The following PTPRG variants were observed in gnomAD, a reference collection of about 807,000 sequenced individuals.
The protein encoded by PTPRG is protein tyrosine phosphatase receptor type G, also known as receptor-type tyrosine-protein phosphatase gamma.
PTPRG carries 102 observed loss-of-function variants against 165.3 expected under a neutral mutation model. That is an observed-to-expected ratio of 0.62 (90% CI 0.53 to 0.73). The LOEUF is 0.73. PTPRG is among the 30% of genes least tolerant of loss of function. The pLI, the probability that PTPRG is intolerant of heterozygous loss-of-function variation, is 0.00. For synonymous variants in PTPRG, 675 were observed against 669.5 expected (o/e 1.01, Z -0.13); for missense variants, 1,866 against 1,861.4 (o/e 1.00, Z -0.05).
intron 12 of PTPRG, among the ~76,000 whole-genome samples, chr3:62,206,214 C>A (rs1016193091): frequency 6.6e-6 from 1 of 152,144 alleles, no homozygotes; most frequent in African/African-American, 2.4e-5. Context: ...CCATTGGAGT[C>A]AGGTTCCAGA....
At chr3:61,749,682 A>G (rs553980735) in intron 2 of PTPRG, 4 of 153,948 alleles carry the variant, frequency 2.6e-5, no homozygotes, top group African/African-American at 9.6e-5. Flanking sequence ...TGTTATTTCT[A>G]GAAGAGATTT....
chr3:61,827,188 C>T lies in PTPRG; in HGVS notation c.190+78206C>T, dbSNP rs530415534. 6.6e-5 allele frequency among the ~76,000 whole-genome samples: 10 copies of T among 152,312 alleles called. No homozygotes were observed. In the East Asian group the frequency reaches 1.7e-3, roughly 26 times the overall value. On this transcript the variant is annotated intron_variant, in intron 2 of 29. Coordinates refer to ENST00000474889, the MANE Select transcript of PTPRG (RefSeq NM_002841.4). Reference sequence around the variant, plus strand: ...GTACCCCAGTAAGGGAGATGTTGGGCCTAGTCCCCTAAGTGGTGCATTTGC... The same window carrying T: ...GTACCCCAGTAAGGGAGATGTTGGGTCTAGTCCCCTAAGTGGTGCATTTGC...
At chr3:62,138,265 CAA>C (rs1703791108) in intron 6 of PTPRG, among the ~76,000 whole-genome samples, 2 of 152,168 alleles carry the variant, frequency 1.3e-5, no homozygotes, top group Admixed American at 1.3e-4. Context: ...AGCAAAAACA[CAA>C]AGTGAGAAAT....
At chr3:61,600,433 A>C (rs1700831786) in intron 1 of PTPRG, among the ~76,000 whole-genome samples, 1 of 152,104 alleles carries the variant, frequency 6.6e-6, no homozygotes, top group African/African-American at 2.4e-5. Context: ...TTTTTGAGTG[A>C]TTCACGGGAT....
intron 2 of PTPRG, among the ~76,000 whole-genome samples, chr3:61,777,093 G>T (rs556049568): frequency 3.9e-5 from 6 of 152,236 alleles, no homozygotes; most frequent in African/African-American, 7.2e-5. Flanking sequence ...TCGTTGAATT[G>T]TGTGTCTCTG....
chr3:61,837,511 A>G (rs1298621905), intron 2 of PTPRG, among the ~76,000 whole-genome samples: 1 of 152,240 alleles, frequency 6.6e-6, no homozygotes, highest in Non-Finnish European at 1.5e-5. Flanking sequence ...GTACTAGACT[A>G]TTAAAGGCTG....
intron 2 of PTPRG, among the ~76,000 whole-genome samples, chr3:61,841,922 G>T (rs2036647343): frequency 6.6e-6 from 1 of 152,184 alleles, no homozygotes; most frequent in Non-Finnish European, 1.5e-5. Flanking sequence ...GATGGTGGAA[G>T]GGTGGAACAA....
intron 5 of PTPRG, among the ~76,000 whole-genome samples, chr3:62,096,870 A>G (rs975127283): frequency 9.9e-5 from 15 of 152,214 alleles, no homozygotes; most frequent in Admixed American, 9.8e-4. Context: ...AATGCCAAAC[A>G]CATTTTATAC....
At chr3:61,702,963 T>G (rs138366677) in intron 1 of PTPRG, among the ~76,000 whole-genome samples, 20 of 152,342 alleles carry the variant, frequency 1.3e-4, no homozygotes, top group African/African-American at 4.8e-4. Context: ...TTGGTGCACA[T>G]TTGTATGCAG....
chr3:61,761,586 G>GAAACAAAGAAAC (rs1553662837), intron 2 of PTPRG, among the ~76,000 whole-genome samples: 1 of 151,016 alleles, frequency 6.6e-6, no homozygotes, highest in African/African-American at 2.4e-5. Flanking sequence ...TCAAAACAAA[G>GAAACAAAGAAAC]AAACAAACAA....
intron 2 of PTPRG, among the ~76,000 whole-genome samples, chr3:61,830,810 G>A (rs1176225872): frequency 3.3e-5 from 5 of 152,106 alleles, no homozygotes; most frequent in Non-Finnish European, 7.4e-5. Flanking sequence ...CCGACCTCAG[G>A]TGATCCACCT....
intron 1 of PTPRG, among the ~76,000 whole-genome samples, chr3:61,611,193 G>C (rs1701156653): frequency 6.6e-6 from 1 of 152,184 alleles, no homozygotes; most frequent in South Asian, 2.1e-4. Context: ...CTTAGAGCCA[G>C]TAAAACGTGG....
intron 4 of PTPRG, among the ~76,000 whole-genome samples, chr3:62,056,608 A>G (rs1310247778): frequency 6.6e-6 from 1 of 152,170 alleles, no homozygotes; most frequent in Non-Finnish European, 1.5e-5. Context: ...AGGATGTAAA[A>G]TAGTATTCTT....
intron 3 of PTPRG, among the ~76,000 whole-genome samples, chr3:61,997,789 C>T (rs1247290277): frequency 6.6e-6 from 1 of 152,186 alleles, no homozygotes; most frequent in Non-Finnish European, 1.5e-5. Flanking sequence ...ATGTCAATGT[C>T]TACAGGGAAA....
chr3:62,015,858 G>A (rs906943286), intron 4 of PTPRG, among the ~76,000 whole-genome samples: 4 of 152,038 alleles, frequency 2.6e-5, no homozygotes, highest in African/African-American at 9.7e-5. Flanking sequence ...GTTATCTCAG[G>A]GCATGCGGTT....
Position 62,242,219 on chromosome 3 carries a change from G to C in PTPRG, c.2376-1588G>C, listed in dbSNP as rs552591174. On this transcript the variant is annotated intron_variant, in intron 14 of 29. Transcript: ENST00000474889. Reference sequence around the variant, plus strand: ...TTTCATATCCATGTAGCTTAAGTCTGACTAACTTATGTTCTTCACAAATTT... The same window carrying C: ...TTTCATATCCATGTAGCTTAAGTCTCACTAACTTATGTTCTTCACAAATTT... 5.5e-4 allele frequency among the ~76,000 whole-genome samples: 83 copies of C among 152,274 alleles called. 1 individual carries two copies. In the Middle Eastern group the frequency reaches 0.014, roughly 25 times the overall value.
intron 2 of PTPRG, among the ~76,000 whole-genome samples, chr3:61,922,078 T>A (rs2039090114): frequency 6.6e-6 from 1 of 152,226 alleles, no homozygotes; most frequent in Non-Finnish European, 1.5e-5. Context: ...TTGTTGAGTT[T>A]CCTTCTGCAG....
At chr3:62,076,501 T>G (rs895323407) in intron 4 of PTPRG, among the ~76,000 whole-genome samples, 1 of 151,632 alleles carries the variant, frequency 6.6e-6, no homozygotes, top group Non-Finnish European at 1.5e-5. Flanking sequence ...TTTTTTTGTT[T>G]GTTTGTTTGT....
intron 4 of PTPRG, among the ~76,000 whole-genome samples, chr3:62,073,484 AT>A (rs999167590): frequency 2.0e-4 from 29 of 148,214 alleles, no homozygotes; most frequent in Admixed American, 3.4e-4. Flanking sequence ...GAAGATATAA[AT>A]TTTTTTTTTT....
Sources: gnomAD v4.1 joint callset for allele counts (sites outside exome capture counted in the v4.1 genomes callset) on GRCh38, gnomAD v4.1.1 for gene constraint, MANE v1.5 for transcripts, NCBI Gene and HGNC (gene_info 2026-07-23, HGNC 2026-07-21) for gene names.